MAP2K6: variants seen among roughly 807,000 people sequenced by gnomAD.
MAP2K6 encodes mitogen-activated protein kinase kinase 6, also known as dual specificity mitogen-activated protein kinase kinase 6.
A neutral mutation model predicts 53.7 loss-of-function variants in MAP2K6; 16 were observed. The observed-to-expected ratio is 0.30, with a 90% CI of 0.20 to 0.45. MAP2K6 has a LOEUF of 0.45. Among genes scored for constraint, MAP2K6 ranks in the 20% least tolerant of loss-of-function variants. MAP2K6 has a pLI of 1.00. For synonymous variants in MAP2K6, 132 were observed against 143.1 expected, an observed-to-expected ratio of 0.92 and a Z score of 0.55; for missense variants, 204 against 411.9, an observed-to-expected ratio of 0.50 and a Z score of 4.37.
chr17:69,447,436 C>T (rs1042550976), intron 1 of MAP2K6, among the ~76,000 whole-genome samples: 6 of 152,028 alleles, frequency 3.9e-5, no homozygotes, highest in Non-Finnish European at 7.4e-5. Flanking sequence ...ACCTCTGCCT[C>T]CGAGGTTCAA....
In MAP2K6 at chr17:69,546,207, T is replaced by G. The variant is rs1036372010; in HGVS notation, c.*4454T>G. The G allele has an allele frequency of 1.3e-5, 2 of 148,606 alleles. No individual in the cohort carries two copies. The highest frequency in any genetic ancestry group is 1.3e-4 in the Admixed American group (2 of 15,186). 9.2% of individuals were successfully genotyped at this position (148,606 alleles called of 1,614,324 possible). ...CAACTCTCCACATTATTTCACTCTT[T>G]GTTTTGTTATTATTAGTATTCTTCT... On this transcript the variant is annotated 3_prime_UTR_variant, in exon 12 of 12. Transcript: ENST00000590474.
chr17:69,453,526 A>AT (rs1907300433), intron 1 of MAP2K6, among the ~76,000 whole-genome samples: 7 of 152,022 alleles, frequency 4.6e-5, no homozygotes, highest in Admixed American at 4.6e-4. Flanking sequence ...AAACACATTC[A>AT]TTTTCTTTCC....
intron 1 of MAP2K6, among the ~76,000 whole-genome samples, chr17:69,418,966 C>G (rs989500766): frequency 6.6e-6 from 1 of 152,058 alleles, no homozygotes; most frequent in African/African-American, 2.4e-5. Context: ...TCATACCACC[C>G]AGAGCTAATT....
At chr17:69,476,135 GATGT>G (rs1908142136) in intron 1 of MAP2K6, among the ~76,000 whole-genome samples, 1 of 152,112 alleles carries the variant, frequency 6.6e-6, no homozygotes, top group Non-Finnish European at 1.5e-5. Flanking sequence ...TTTATGTGCA[GATGT>G]ATGTATGTGT....
rs531102602 is a variant in MAP2K6 at position 69,433,967 on chromosome 17, T to C, written c.16+18967T>C. On this transcript the variant is annotated intron_variant, in intron 1 of 11. Transcript: ENST00000590474. ...CATTGATTGCTTGACTTCAATATAC[T>C]ATGAAGTGCTGCCGAGAGAGGGTTT... 4 of 152,360 alleles carry C rather than the reference T, an allele frequency of 2.6e-5. No individual in the cohort carries two copies. The East Asian group carries it at 7.7e-4, about 29-fold the overall frequency. The allele number at this position is 152,360 out of a possible 1,614,324, so 9.4% of individuals were successfully genotyped here.
intron 1 of MAP2K6, among the ~76,000 whole-genome samples, chr17:69,503,654 C>T (rs1258914121): frequency 6.6e-6 from 1 of 152,018 alleles, no homozygotes; most frequent in African/African-American, 2.4e-5. Flanking sequence ...TGAAAAATTT[C>T]ATTATACATT....
intron 1 of MAP2K6, among the ~76,000 whole-genome samples, chr17:69,493,780 A>T (rs71375728): frequency 0.1 from 15,621 of 151,494 alleles, 1,584 homozygotes; most frequent in African/African-American, 0.26. Flanking sequence ...GAAAAAAAAA[A>T]ATATATGTAT....
intron 1 of MAP2K6, among the ~76,000 whole-genome samples, chr17:69,422,391 C>T (rs997854112): frequency 5.1e-4 from 78 of 152,212 alleles, no homozygotes; most frequent in Non-Finnish European, 6.0e-4. Context: ...CTCGGCCTCC[C>T]GAAGCACTGG....
intron 1 of MAP2K6, among the ~76,000 whole-genome samples, chr17:69,454,966 A>T (rs1256003728): frequency 6.6e-6 from 1 of 152,108 alleles, no homozygotes; most frequent in Admixed American, 6.5e-5. Flanking sequence ...AGCATTTAAT[A>T]GGCTAAATTT....
intron 1 of MAP2K6, among the ~76,000 whole-genome samples, chr17:69,427,961 A>C (rs556661808): frequency 1.3e-5 from 2 of 152,324 alleles, no homozygotes; most frequent in East Asian, 3.9e-4. Context: ...ATGTAACCCT[A>C]TCTAAGGACA....
intron 1 of MAP2K6, among the ~76,000 whole-genome samples, chr17:69,449,569 C>G (rs561350021): frequency 3.9e-5 from 4 of 103,306 alleles, no homozygotes; most frequent in African/African-American, 1.4e-4. Flanking sequence ...TTATTTCTTT[C>G]TTTCTTTCTT....
Position 69,521,120 on chromosome 17 carries a change from C to T in MAP2K6, c.535+20C>T. 1 of 1,606,384 alleles carries T rather than the reference C, an allele frequency of 6.2e-7. No homozygotes were observed. The highest frequency in any genetic ancestry group is 8.5e-7 in the Non-Finnish European group (1 of 1,175,436). On this transcript the variant is annotated intron_variant, in intron 7 of 11. Transcript: ENST00000590474. ...ACAGAGGTAAGCATCCATGAGCTGC[C>T]TTGGCTGTTCCTTTGATAAAGTTCA...
In MAP2K6 at chr17:69,494,991, G is replaced by A. The variant is rs1166091473; in HGVS notation, c.17-10789G>A. 6.6e-6 allele frequency among the ~76,000 whole-genome samples: 1 copy of A among 150,588 alleles called. No homozygotes were observed. Among genetic ancestry groups the A allele is most frequent in the Non-Finnish European group, 1.5e-5 (1 of 67,812 alleles). ...TTGCACTCCAGCCTGGGCAACAAGAGCGAAACTCTGTCTAGAAAAAAAACC... is the reference window on the plus strand; with the variant it reads ...TTGCACTCCAGCCTGGGCAACAAGAACGAAACTCTGTCTAGAAAAAAAACC... On this transcript the variant is annotated intron_variant, in intron 1 of 11. Coordinates refer to ENST00000590474, the MANE Select transcript of MAP2K6 (RefSeq NM_002758.4). This position sits in a 1 kb window ranked among gnomAD's most constrained non-coding sequence, Gnocchi z 4.2.
Position 69,518,224 on chromosome 17 carries a change from A to T in MAP2K6, c.246+611A>T, listed in dbSNP as rs1427077318. 2.1e-5 allele frequency among the ~76,000 whole-genome samples: 3 copies of T among 144,788 alleles called. No homozygotes were observed. The East Asian group carries it at 6.1e-4, about 29-fold the overall frequency. 95.0% of individuals were successfully genotyped at this position (144,788 alleles called of 152,430 possible). A position where few individuals can be genotyped will look rare whatever the true frequency, so the allele number is the denominator to read the frequency against. On this transcript the variant is annotated intron_variant, in intron 4 of 11. Transcript: ENST00000590474. ...TAATAATAATAATAATAATAATGAT[A>T]CTTCCTTCATCTAATCCGGAGTCCA... is the stretch of plus-strand genomic sequence containing the variant.
chr17:69,519,448 A>T lies in MAP2K6; in HGVS notation c.366+16A>T, dbSNP rs761636504. 1 of 1,614,004 alleles carries T rather than the reference A, an allele frequency of 6.2e-7. No individual in the cohort carries two copies. Among genetic ancestry groups the T allele is most frequent in the East Asian group, 2.2e-5 (1 of 44,874 alleles). ...GTTTCGGGAGGTAGGTGACCCTTCA[A>T]TTCAAAGTCCAAGAGGAACAATAAC... On this transcript the variant is annotated intron_variant, in intron 5 of 11. Transcript: ENST00000590474.
chr17:69,470,783 C>T (rs1440944566), intron 1 of MAP2K6, among the ~76,000 whole-genome samples: 17 of 152,236 alleles, frequency 1.1e-4, no homozygotes, highest in Admixed American at 1.0e-3. Flanking sequence ...CTCACACATT[C>T]TGCCTAGCCC....
At chr17:69,493,716 G>A (rs1908839826) in intron 1 of MAP2K6, among the ~76,000 whole-genome samples, 2 of 151,962 alleles carry the variant, frequency 1.3e-5, no homozygotes, top group Non-Finnish European at 2.9e-5. Context: ...AGCTGAGATC[G>A]TGCCATTGCA....
At chr17:69,453,499 T>C (rs2145161736) in intron 1 of MAP2K6, among the ~76,000 whole-genome samples, 1 of 152,362 alleles carries the variant, frequency 6.6e-6, no homozygotes, top group African/African-American at 2.4e-5. Context: ...ACTGTAAGAC[T>C]GATGATTAAG....
intron 1 of MAP2K6, among the ~76,000 whole-genome samples, chr17:69,498,730 T>C (rs1346503972): frequency 1.3e-5 from 2 of 151,878 alleles, no homozygotes; most frequent in Non-Finnish European, 2.9e-5. Flanking sequence ...CCAATGTCTT[T>C]ATTGGGTACA....
Sources: allele counts gnomAD v4.1 joint callset (sites outside exome capture counted in the v4.1 genomes callset), GRCh38; gene constraint gnomAD v4.1.1; non-coding constraint Gnocchi (gnomAD v3.1); transcripts MANE v1.5; gene names NCBI Gene and HGNC (gene_info 2026-07-23, HGNC 2026-07-21).